RSU1: variants seen among roughly 807,000 people sequenced by gnomAD.
RSU1 encodes the protein rsu-1.
In RSU1, 26 loss-of-function variants were observed where a neutral mutation model predicts 31.1. That is an observed-to-expected ratio of 0.84 (90% CI 0.61 to 1.16). RSU1 has a LOEUF of 1.16. Ranked by LOEUF, RSU1 falls within the 50% of genes most tolerant of loss-of-function variation. The probability of loss-of-function intolerance (pLI) is 0.00; values close to 1 mark genes in which losing one functional copy is unlikely to be tolerated. For synonymous variants in RSU1, 164 were observed against 136.3 expected, an observed-to-expected ratio of 1.20 and a Z score of -1.41; for missense variants, 320 against 339.1, an observed-to-expected ratio of 0.94 and a Z score of 0.44.
intron 3 of RSU1, among the ~76,000 whole-genome samples, chr10:16,775,437 G>A (rs1048405432): frequency 3.9e-5 from 6 of 151,972 alleles, no homozygotes; most frequent in Middle Eastern, 3.2e-3. Flanking sequence ...GCTGGCTTCC[G>A]CTTAGCACAA....
intron 7 of RSU1, among the ~76,000 whole-genome samples, chr10:16,731,077 G>C (rs1836502786): frequency 6.6e-6 from 1 of 152,130 alleles, no homozygotes; most frequent in Admixed American, 6.6e-5. Context: ...GACTCCCAAA[G>C]TGCTGGGATT....
chr10:16,692,673 C>A (rs1835584631), intron 8 of RSU1, among the ~76,000 whole-genome samples: 1 of 152,102 alleles, frequency 6.6e-6, no homozygotes, highest in Non-Finnish European at 1.5e-5. Context: ...TAATTTGTGA[C>A]TATATTTTCA....
At chr10:16,816,649 G>A (rs1178662909) in intron 2 of RSU1, among the ~76,000 whole-genome samples, 1 of 152,172 alleles carries the variant, frequency 6.6e-6, no homozygotes, top group South Asian at 2.1e-4. Flanking sequence ...ACAGGAAGAA[G>A]GACTCAAAAT....
At chr10:16,691,554 A>C (rs1835550478) in intron 8 of RSU1, among the ~76,000 whole-genome samples, 1 of 151,910 alleles carries the variant, frequency 6.6e-6, no homozygotes, top group South Asian at 2.1e-4. Context: ...CTTCCCAAGG[A>C]GGACAGAAGA....
At chr10:16,594,328 C>T (rs997288662) in intron 8 of RSU1, among the ~76,000 whole-genome samples, 4 of 152,050 alleles carry the variant, frequency 2.6e-5, no homozygotes, top group African/African-American at 9.7e-5. Context: ...ACCAGGTGGC[C>T]CAGCTCCAGC....
chr10:16,671,488 G>A (rs1171612243), intron 8 of RSU1, among the ~76,000 whole-genome samples: 1 of 152,048 alleles, frequency 6.6e-6, no homozygotes, highest in East Asian at 1.9e-4. Flanking sequence ...TTGTTCTGTT[G>A]TCCAGGCTGG....
rs1296120969 is a variant in RSU1 at position 16,591,355 on chromosome 10, G to A, written c.*2039C>T. On this transcript the variant is annotated 3_prime_UTR_variant, in exon 9 of 9. Coordinates refer to ENST00000345264, the MANE Select transcript of RSU1 (RefSeq NM_012425.4). ...ATAAGGACAATTCCTAAACATTGCA[G>A]TTTGTGGGGATCTCGGATAATTTCC... is the stretch of plus-strand genomic sequence containing the variant. The A allele has an allele frequency of 1.3e-5, 2 of 152,138 alleles. No individual in the cohort carries two copies. The highest frequency in any genetic ancestry group is 4.8e-5 in the African/African-American group (2 of 41,422). 9.4% of individuals were successfully genotyped at this position (152,138 alleles called of 1,614,324 possible). A position where few individuals can be genotyped will look rare whatever the true frequency, so the allele number is the denominator to read the frequency against.
At chr10:16,703,436 T>A (rs528942990) in intron 7 of RSU1, among the ~76,000 whole-genome samples, 1 of 152,166 alleles carries the variant, frequency 6.6e-6, no homozygotes, top group Non-Finnish European at 1.5e-5. Context: ...AATTCCACCC[T>A]AGTAATAAAT....
chr10:16,791,234 C>G (rs1449920827), intron 2 of RSU1, among the ~76,000 whole-genome samples: 2 of 152,018 alleles, frequency 1.3e-5, no homozygotes, highest in Admixed American at 6.6e-5. Context: ...ACCATGTTGG[C>G]CAGGCTGGTC....
chr10:16,613,876 A>G (rs1833933580), intron 8 of RSU1, among the ~76,000 whole-genome samples: 1 of 152,102 alleles, frequency 6.6e-6, no homozygotes, highest in Middle Eastern at 3.2e-3. Context: ...AAGACTAACT[A>G]CTGATGGATA....
At chr10:16,611,808 CCAGAGAGCGA>C (rs1268202706) in intron 8 of RSU1, among the ~76,000 whole-genome samples, 1 of 152,184 alleles carries the variant, frequency 6.6e-6, no homozygotes, top group Non-Finnish European at 1.5e-5. Context: ...GGCTGCTTTT[CCAGAGAGCGA>C]GAGAGAGTGA....
chr10:16,766,164 A>G (rs1837309638), intron 3 of RSU1, among the ~76,000 whole-genome samples: 1 of 152,230 alleles, frequency 6.6e-6, no homozygotes, highest in Non-Finnish European at 1.5e-5. Context: ...ACTGGGGCAC[A>G]CGGGCAGGGA....
intron 2 of RSU1, among the ~76,000 whole-genome samples, chr10:16,803,662 C>T (rs1204572736): frequency 6.6e-6 from 1 of 152,094 alleles, no homozygotes; most frequent in Non-Finnish European, 1.5e-5. Flanking sequence ...AATAGAAAGC[C>T]CAGAAATAGA....
At chr10:16,680,635 T>G in intron 8 of RSU1, among the ~76,000 whole-genome samples, 1 of 150,944 alleles carries the variant, frequency 6.6e-6, no homozygotes. Context: ...GGGAGGGAGG[T>G]GGCACACACT....
intron 8 of RSU1, among the ~76,000 whole-genome samples, chr10:16,636,261 G>T (rs1834343212): frequency 6.6e-6 from 1 of 150,950 alleles, no homozygotes; most frequent in Admixed American, 6.6e-5. Context: ...TCCCCAAACT[G>T]CCCCCTCCTT....
chr10:16,737,110 C>T (rs1018031380), intron 7 of RSU1, among the ~76,000 whole-genome samples: 2 of 151,540 alleles, frequency 1.3e-5, no homozygotes, highest in African/African-American at 4.9e-5. Context: ...ATCAAGTGAT[C>T]TAACACAAGA....
intron 7 of RSU1, among the ~76,000 whole-genome samples, chr10:16,702,193 G>A (rs1835806222): frequency 6.6e-6 from 1 of 152,238 alleles, no homozygotes; most frequent in African/African-American, 2.4e-5. Context: ...GAAAAGCCTG[G>A]ATGTCCAGGC....
Position 16,695,249 on chromosome 10 carries a change from A to T in RSU1, c.599-94T>A, listed in dbSNP as rs1835652997. The stretch of plus-strand genomic sequence containing the variant: ...CAGTAATCACAGCCTAAGTACCCTA[A>T]ATCAAACCCTAAGTGCCTCTTGGAT... On this transcript the variant is annotated intron_variant, in intron 7 of 8. Coordinates refer to ENST00000345264, the MANE Select transcript of RSU1 (RefSeq NM_012425.4). 5 of 1,231,056 alleles carry T rather than the reference A, an allele frequency of 4.1e-6. No individual in the cohort carries two copies. In the East Asian group the frequency reaches 9.5e-5, roughly 23 times the overall value. The allele number at this position is 1,231,056 out of a possible 1,614,324, so 76.3% of individuals were successfully genotyped here. A position where few individuals can be genotyped will look rare whatever the true frequency, so the allele number is the denominator to read the frequency against.
intron 7 of RSU1, among the ~76,000 whole-genome samples, chr10:16,717,696 C>T (rs921045717): frequency 1.3e-5 from 2 of 151,994 alleles, no homozygotes; most frequent in South Asian, 2.1e-4. Flanking sequence ...AAGCACAGAC[C>T]AAGGACATAA....
Sources: allele counts gnomAD v4.1 joint callset (sites outside exome capture counted in the v4.1 genomes callset), GRCh38; gene constraint gnomAD v4.1.1; transcripts MANE v1.5; gene names NCBI Gene and HGNC (gene_info 2026-07-23, HGNC 2026-07-21).